The following FBLN1 variants were observed in gnomAD, a reference collection of about 807,000 sequenced individuals.
FBLN1 encodes the protein fibulin-1.
In FBLN1, 34 loss-of-function variants were observed where a neutral mutation model predicts 89.7. That is an observed-to-expected ratio of 0.38 (90% CI 0.29 to 0.50). The LOEUF is 0.50. Among genes scored for constraint, FBLN1 ranks in the 20% least tolerant of loss-of-function variants. The probability of loss-of-function intolerance (pLI) is 0.92; values close to 1 mark genes in which losing one functional copy is unlikely to be tolerated. For synonymous variants in FBLN1, 393 were observed against 391.3 expected (o/e 1.00, Z -0.05); for missense variants, 777 against 988.1 (o/e 0.79, Z 2.86).
intron 14 of FBLN1, chr22:45,558,587 C>T (rs2088817363): frequency 6.3e-6 from 1 of 158,092 alleles, no homozygotes; most frequent in African/African-American, 2.4e-5. Context: ...ACAGCCTGGA[C>T]CTGTCATAGA....
At chr22:45,564,556 C>A (rs1249139486) in intron 14 of FBLN1, among the ~76,000 whole-genome samples, 1 of 152,244 alleles carries the variant, frequency 6.6e-6, no homozygotes, top group East Asian at 1.9e-4. Context: ...GCTCATGTGC[C>A]TGCCTCAGAG....
intron 14 of FBLN1, chr22:45,565,304 G>C: frequency 1.6e-6 from 2 of 1,280,178 alleles, no homozygotes; most frequent in Admixed American, 2.4e-5. Flanking sequence ...GGCCTGGCCT[G>C]ATCTGGCCTC....
In FBLN1 at chr22:45,600,256, C is replaced by T. The variant is rs112278970; in HGVS notation, c.1973-51C>T. On this transcript the variant is annotated intron_variant, in intron 16 of 16. Transcript: ENST00000327858. Reference sequence around the variant, plus strand: ...AGGGAAACCATTTCCCAGATCTCTACGTTGCTGCAGTCCCTTCTAACTTCC... The same window carrying T: ...AGGGAAACCATTTCCCAGATCTCTATGTTGCTGCAGTCCCTTCTAACTTCC... 1.1e-3 allele frequency: 1,765 copies of T among 1,611,984 alleles called. 1 individual carries two copies. Among genetic ancestry groups the T allele is most frequent in the Non-Finnish European group, 1.4e-3 (1,671 of 1,178,300 alleles).
chr22:45,512,804 C>T (rs2088119152), intron 1 of FBLN1, among the ~76,000 whole-genome samples: 1 of 152,146 alleles, frequency 6.6e-6, no homozygotes, highest in Non-Finnish European at 1.5e-5. Flanking sequence ...GTCCCCCAGG[C>T]TGGAGTGTAG....
At chr22:45,585,315 C>T (rs1468990632) in intron 16 of FBLN1, among the ~76,000 whole-genome samples, 1 of 152,196 alleles carries the variant, frequency 6.6e-6, no homozygotes, top group African/African-American at 2.4e-5. Flanking sequence ...GGCAAGGCCT[C>T]AGTCAAGGCT....
intron 3 of FBLN1, among the ~76,000 whole-genome samples, 188 bp downstream of exon 3, chr22:45,525,866 C>T (rs560752349): frequency 2.8e-3 from 434 of 152,320 alleles, no homozygotes; most frequent in Admixed American, 4.6e-3. Flanking sequence ...CCACTGTAGC[C>T]GTAAACCCCG....
chr22:45,521,955 C>T, intron 2 of FBLN1, among the ~76,000 whole-genome samples: 1 of 152,050 alleles, frequency 6.6e-6, no homozygotes, highest in Non-Finnish European at 1.5e-5. Flanking sequence ...GGATCACTGA[C>T]CACCTGGTTT....
intron 14 of FBLN1, chr22:45,565,646 T>G (rs548543141): frequency 4.6e-4 from 87 of 190,950 alleles, no homozygotes; most frequent in Non-Finnish European, 8.4e-4. Flanking sequence ...AACTTTGCAA[T>G]GTTTGGCTTG....
intron 12 of FBLN1, 138 bp from the exon 13 acceptor site, chr22:45,548,475 C>A: frequency 8.5e-7 from 1 of 1,180,132 alleles, no homozygotes; most frequent in East Asian, 2.5e-5. Flanking sequence ...ACGATGGTCT[C>A]TGAGGCTTCC....
chr22:45,541,251 C>G lies in FBLN1; in HGVS notation c.945C>G (p.Ile315Met). The G allele has an allele frequency of 6.2e-7, 1 of 1,614,242 alleles. No homozygotes were observed. Among genetic ancestry groups the G allele is most frequent in the Non-Finnish European group, 8.5e-7 (1 of 1,180,034 alleles). The change falls in exon 9 of 17, where the codon ATC becomes ATG. Residue 315 changes from isoleucine (I) to methionine (M), a missense_variant. Transcript: ENST00000327858. Reference protein sequence around the residue: ...NCIDINECLSISAPCPIGHTC... With the variant: ...NCIDINECLSMSAPCPIGHTC... ...TAGATATCAATGAGTGTTTGAGTATCAGTGCCCCGTGCCCTATCGGGCATA... is the reference window on the plus strand; with the variant it reads ...TAGATATCAATGAGTGTTTGAGTATGAGTGCCCCGTGCCCTATCGGGCATA...
chr22:45,584,353 T>C (rs2089067257), intron 16 of FBLN1, among the ~76,000 whole-genome samples: 1 of 152,206 alleles, frequency 6.6e-6, no homozygotes. Context: ...AGTTTATGTT[T>C]TGAAATCGCA....
chr22:45,559,282 C>G (rs138395983), intron 14 of FBLN1, among the ~76,000 whole-genome samples: 1 of 152,178 alleles, frequency 6.6e-6, no homozygotes, highest in Non-Finnish European at 1.5e-5. Context: ...TACGATAATC[C>G]GCTGCCGTTC....
chr22:45,567,841 A>G (rs1412515933), intron 14 of FBLN1, among the ~76,000 whole-genome samples: 1 of 152,192 alleles, frequency 6.6e-6, no homozygotes, highest in Non-Finnish European at 1.5e-5. Flanking sequence ...GAACCCCAAA[A>G]TAATCAACAG....
chr22:45,594,094 A>C (rs578137445), intron 16 of FBLN1, among the ~76,000 whole-genome samples: 1 of 131,400 alleles, frequency 7.6e-6, no homozygotes, highest in East Asian at 2.0e-4. Context: ...AGACATGGCA[A>C]ATCAGAGTCT....
chr22:45,523,296 G>A, intron 2 of FBLN1: 1 of 595,128 alleles, frequency 1.7e-6, no homozygotes, highest in Non-Finnish European at 3.1e-6. Context: ...TAACCAGGTG[G>A]CTGAGGGGGC....
Position 45,545,851 on chromosome 22 carries a change from TA to T in FBLN1, c.1322-1230del. ...CAGAGAAGTGGCCAGAGGACCATGG[TA>T]AAAGAATGAGTGTGGCAGGGCACAG... On this transcript the variant is annotated intron_variant, in intron 11 of 16. Transcript: ENST00000327858. The surrounding 1 kb of genome is among the most constrained non-coding windows in gnomAD (Gnocchi z 5.9). Among the ~76,000 whole-genome samples, 1 of 152,168 alleles carries T rather than the reference TA, an allele frequency of 6.6e-6. No individual in the cohort carries two copies. The highest frequency in any genetic ancestry group is 6.5e-5 in the Admixed American group (1 of 15,284).
intron 14 of FBLN1, among the ~76,000 whole-genome samples, chr22:45,552,786 A>G (rs906240530): frequency 1.3e-5 from 2 of 152,132 alleles, no homozygotes; most frequent in Non-Finnish European, 2.9e-5. Context: ...GCCGCAAACC[A>G]CAGGGCTCGG....
intron 1 of FBLN1, chr22:45,517,235 G>A: frequency 3.9e-6 from 1 of 258,420 alleles, no homozygotes; most frequent in Non-Finnish European, 7.6e-6. Context: ...CCATTAGGAA[G>A]GAAAAGTGGT....
intron 4 of FBLN1, 27 bp downstream of exon 4, chr22:45,528,036 G>A: frequency 6.2e-7 from 1 of 1,612,118 alleles, no homozygotes; most frequent in East Asian, 2.2e-5. Context: ...CTTCCCTAAT[G>A]AGCAGTGTAT....
Sources: allele counts gnomAD v4.1 joint callset (sites outside exome capture counted in the v4.1 genomes callset), GRCh38; gene constraint gnomAD v4.1.1; non-coding constraint Gnocchi (gnomAD v3.1); transcripts MANE v1.5; gene names NCBI Gene and HGNC (gene_info 2026-07-23, HGNC 2026-07-21).